CD22: variants seen among roughly 807,000 people sequenced by gnomAD.
CD22 encodes B-cell receptor CD22.
In CD22, 51 loss-of-function variants were observed where a neutral mutation model predicts 94.7. The observed-to-expected ratio is 0.54, with a 90% CI of 0.43 to 0.68. The LOEUF is 0.68. CD22 is among the 30% of genes least tolerant of loss of function. The pLI, the probability that CD22 is intolerant of heterozygous loss-of-function variation, is 0.00. For synonymous variants in CD22, 424 were observed against 422.5 expected (o/e 1.00, Z -0.04); for missense variants, 931 against 1,060.4 (o/e 0.88, Z 1.69).
intron 2 of CD22, 174 bp from the exon 3 acceptor site, chr19:35,332,373 A>G: frequency 1.4e-6 from 1 of 714,250 alleles, no homozygotes; most frequent in Non-Finnish European, 2.2e-6. Flanking sequence ...GCACTTTGTG[A>G]GGCTGAGGTG....
At position 35,342,219 on chromosome 19, in the gene CD22, G is replaced by A. The variant is rs144272327; in HGVS notation, c.2035+254G>A. Among the ~76,000 whole-genome samples the A allele has an allele frequency of 6.3e-3, 951 of 151,354 alleles. 15 individuals are homozygous for A. The highest frequency in any genetic ancestry group is 0.022 in the African/African-American group (910 of 41,154). On this transcript the variant is annotated intron_variant, in intron 9 of 13. Transcript: ENST00000085219. ...AGGTCTTACTCTGTCACCCAGGCTG[G>A]AGTGCAGTCGCATAATGACACCTCA...
chr19:35,343,141 A>C, intron 9 of CD22, among the ~76,000 whole-genome samples: 3 of 140,296 alleles, frequency 2.1e-5, no homozygotes, highest in Non-Finnish European at 4.6e-5. Flanking sequence ...ACCCTGTTGC[A>C]CAGGTTGGAG....
In CD22 at chr19:35,346,797, T is replaced by TGC. The variant is rs1383942356; in HGVS notation, c.*103_*104dup. Reference sequence around the variant, plus strand: ...CACATGGCTTCCTCCTGCGCGCATGTGCGCACACACACACACACACGCACA... The same window carrying TGC: ...CACATGGCTTCCTCCTGCGCGCATGTGCGCGCACACACACACACACACGCACA... On this transcript the variant is annotated 3_prime_UTR_variant, in exon 14 of 14. Coordinates refer to ENST00000085219, the MANE Select transcript of CD22 (RefSeq NM_001771.4). 92 of 1,040,620 alleles carry TGC rather than the reference T, an allele frequency of 8.8e-5. 1 individual carries two copies. The highest frequency in any genetic ancestry group is 6.7e-4 in the Admixed American group (27 of 40,268). The allele number at this position is 1,040,620 out of a possible 1,614,324, so 64.5% of individuals were successfully genotyped here.
rs567943367 is a variant in CD22, at chr19:35,345,190, G to A, written c.2208+64G>A. The A allele has an allele frequency of 5.7e-4, 814 of 1,428,970 alleles. 3 individuals carry two copies. Among genetic ancestry groups the A allele is most frequent in the Middle Eastern group, 5.3e-3 (24 of 4,548 alleles). The allele number at this position is 1,428,970 out of a possible 1,614,324, so 88.5% of individuals were successfully genotyped here. A position where few individuals can be genotyped will look rare whatever the true frequency, so the allele number is the denominator to read the frequency against. On this transcript the variant is annotated intron_variant, in intron 11 of 13. Transcript: ENST00000085219. ...CCCAGCACTTTGGGAGGCTGAGGCA[G>A]GTGGATCACCTGAGGTCAGGAGTTC...
At chr19:35,340,047 A>C (rs2066784275) in intron 6 of CD22, among the ~76,000 whole-genome samples, 1 of 152,120 alleles carries the variant, frequency 6.6e-6, no homozygotes, top group South Asian at 2.1e-4. Flanking sequence ...AGCACAGGAC[A>C]AAAAGAACAC....
rs140396556 is a variant in CD22 at position 35,343,041 on chromosome 19, G to A, written c.2035+1076G>A. 5.3e-4 allele frequency among the ~76,000 whole-genome samples: 80 copies of A among 151,094 alleles called. No homozygotes were observed. The East Asian group carries it at 8.8e-3, about 17-fold the overall frequency. ...TCTCAGTCTCCTGACCTCGTGATCC[G>A]CTCGCCTCGGCCTTCCAAAGTGCTG... On this transcript the variant is annotated intron_variant, in intron 9 of 13. Transcript: ENST00000085219.
intron 9 of CD22, among the ~76,000 whole-genome samples, chr19:35,342,815 A>T (rs781401798): frequency 6.6e-6 from 1 of 151,420 alleles, no homozygotes; most frequent in Admixed American, 6.6e-5. Context: ...TTAAAACGTA[A>T]ATGATTTTTT....
At chr19:35,346,262 C>T in intron 13 of CD22, 27 bp downstream of exon 13, 1 of 1,589,950 alleles carries the variant, frequency 6.3e-7, no homozygotes, top group African/African-American at 1.3e-5. Context: ...CAGGTCTCCC[C>T]AGAGGGGCTG....
At chr19:35,340,767 A>T in intron 6 of CD22, 114 bp from the exon 7 acceptor site, 1 of 1,135,800 alleles carries the variant, frequency 8.8e-7, no homozygotes, top group Non-Finnish European at 1.3e-6. Context: ...CCCTTTGATT[A>T]ATTTAGGACC....
intron 6 of CD22, 119 bp downstream of exon 6, chr19:35,338,550 T>A: frequency 9.6e-7 from 1 of 1,043,374 alleles, no homozygotes; most frequent in Non-Finnish European, 1.4e-6. Context: ...GCAGCCAGGG[T>A]CTCCTGTTCA....
In CD22 at chr19:35,337,660, C is replaced by A. The variant is rs1048996930; in HGVS notation, c.719-95C>A. 9.1e-7 allele frequency: 1 copy of A among 1,100,488 alleles called. No individual in the cohort carries two copies. The highest frequency in any genetic ancestry group is 1.3e-6 in the Non-Finnish European group (1 of 777,526). 68.2% of individuals were successfully genotyped at this position (1,100,488 alleles called of 1,614,324 possible). ...ACCATCACCTGGGTGAAGGGACTGG[C>A]AGGCCATGGCTTTGTCAGAATAAAA... On this transcript the variant is annotated intron_variant, in intron 4 of 13. Transcript: ENST00000085219. This position sits in a 1 kb window ranked among gnomAD's most constrained non-coding sequence, Gnocchi z 4.4.
At position 35,345,731 on chromosome 19, in the gene CD22, T is replaced by TCACCCTCCTGGTACCCTC; in HGVS notation, c.2327+11_2327+12insCACCCTCCTGGTACCCTC. 6.4e-7 allele frequency: 1 copy of TCACCCTCCTGGTACCCTC among 1,566,748 alleles called. No individual in the cohort carries two copies. The highest frequency in any genetic ancestry group is 8.8e-7 in the Non-Finnish European group (1 of 1,136,900). On this transcript the variant is annotated intron_variant, in intron 12 of 13. Transcript: ENST00000085219. ...CATACCACGAACTGGGTACTGAGGG[T>TCACCCTCCTGGTACCCTC]ACCAGGAGGGTGACCCTGCACCCTG...
At chr19:35,333,151 T>G (rs1038323751) in intron 3 of CD22, 27 of 537,666 alleles carry the variant, frequency 5.0e-5, no homozygotes, top group African/African-American at 4.5e-4. Context: ...ATTCCAAAGT[T>G]ATCGGATCTC....
In CD22 at chr19:35,329,245, G is replaced by A. The variant is rs749113671; in HGVS notation, c.-23+15G>A. 147 of 1,288,622 alleles carry A rather than the reference G, an allele frequency of 1.1e-4. No homozygotes were observed. The highest frequency in any genetic ancestry group is 1.5e-4 in the Non-Finnish European group (146 of 987,938). 79.8% of individuals were successfully genotyped at this position (1,288,622 alleles called of 1,614,324 possible). On this transcript the variant is annotated intron_variant, in intron 1 of 13. Transcript: ENST00000085219. ...CGCGGAAACAGGTAAAAATCATTTT[G>A]CTTTTATTTTGCATTCAACAAGCAA...
At chr19:35,329,354 G>T (rs575950145) in intron 1 of CD22, 124 bp downstream of exon 1, 15 of 538,854 alleles carry the variant, frequency 2.8e-5, no homozygotes, top group Non-Finnish European at 4.6e-5. Context: ...CTCTCTTACC[G>T]GTGTTACAAC....
intron 9 of CD22, among the ~76,000 whole-genome samples, chr19:35,343,196 T>C (rs1402759706): frequency 1.3e-5 from 2 of 150,736 alleles, no homozygotes; most frequent in Non-Finnish European, 2.9e-5. Context: ...CCCCCTAGGC[T>C]CAAGTGATAC....
intron 12 of CD22, 87 bp from the exon 13 acceptor site, chr19:35,346,064 G>T (rs2066901990): frequency 7.1e-6 from 7 of 992,464 alleles, no homozygotes; most frequent in East Asian, 4.8e-5. Flanking sequence ...TGAGGTTGGG[G>T]TGCTGTTGGG....
intron 9 of CD22, among the ~76,000 whole-genome samples, chr19:35,342,309 A>G (rs146588154): frequency 1.3e-5 from 2 of 152,178 alleles, no homozygotes; most frequent in East Asian, 3.9e-4. Flanking sequence ...AGCTGGGACT[A>G]TAGACATGCA....
intron 10 of CD22, 32 bp downstream of exon 10, chr19:35,344,957 T>TGCCAAGGGATAGAGG: frequency 6.2e-7 from 1 of 1,604,038 alleles, no homozygotes; most frequent in Non-Finnish European, 8.5e-7. Flanking sequence ...CCACCTCCTC[T>TGCCAAGGGATAGAGG]ATCCCTTGGC....
Sources: allele counts gnomAD v4.1 joint callset (sites outside exome capture counted in the v4.1 genomes callset), GRCh38; gene constraint gnomAD v4.1.1; non-coding constraint Gnocchi (gnomAD v3.1); transcripts MANE v1.5; gene names NCBI Gene and HGNC (gene_info 2026-07-23, HGNC 2026-07-21).